Variants in RSRC1 observed in about 807,000 individuals in gnomAD.
RSRC1 encodes arginine and serine rich coiled-coil 1, also known as serine/Arginine-related protein 53.
RSRC1 carries 39 observed loss-of-function variants against 49.1 expected under a neutral mutation model. The ratio of observed to expected loss-of-function variants is 0.79; its 90% CI spans 0.61 to 1.04. RSRC1 has a LOEUF of 1.04. RSRC1 is among the 50% of genes least tolerant of loss of function. RSRC1 has a pLI of 0.00. For missense variants in RSRC1, 388 were observed against 402.4 expected (o/e 0.96, Z 0.31); for synonymous variants, 143 against 130.8 (o/e 1.09, Z -0.63).
chr3:158,469,068 A>G (rs1355673952), intron 7 of RSRC1, among the ~76,000 whole-genome samples: 1 of 152,104 alleles, frequency 6.6e-6, no homozygotes, highest in African/African-American at 2.4e-5. Context: ...ATATCACACA[A>G]AAAACTTTGA....
intron 4 of RSRC1, among the ~76,000 whole-genome samples, chr3:158,296,622 A>T (rs546647372): frequency 6.6e-6 from 1 of 152,264 alleles, no homozygotes; most frequent in Admixed American, 6.5e-5. Flanking sequence ...TTGTAATGAT[A>T]AAGTATAAAA....
chr3:158,119,703 G>T (rs996621558), intron 1 of RSRC1, among the ~76,000 whole-genome samples: 7 of 112,962 alleles, frequency 6.2e-5, no homozygotes, highest in Non-Finnish European at 9.4e-5. Context: ...TGTATAAATG[G>T]ATATGGACAC....
chr3:158,187,631 A>G (rs77188791), intron 3 of RSRC1, among the ~76,000 whole-genome samples: 3,680 of 152,122 alleles, frequency 0.024, 158 homozygotes, highest in African/African-American at 0.084. Flanking sequence ...TCTGGTAAGG[A>G]CAGTCGATCC....
Position 158,529,214 on chromosome 3 carries a change from G to GTGTGTGTATATATA in RSRC1, c.653-7877_653-7876insGTGTGTATATATAT, listed in dbSNP as rs374368016. 7.2e-4 allele frequency among the ~76,000 whole-genome samples: 103 copies of GTGTGTGTATATATA among 143,144 alleles called. 1 individual carries two copies. The highest frequency in any genetic ancestry group is 3.0e-3 in the East Asian group (15 of 4,934). The allele number at this position is 143,144 out of a possible 152,430, so 93.9% of individuals were successfully genotyped here. A position where few individuals can be genotyped will look rare whatever the true frequency, so the allele number is the denominator to read the frequency against. ...TTTATGTATATATGTATGTGTGTGTGTATATATATATATATATATATCCTA... is the reference window on the plus strand; with the variant it reads ...TTTATGTATATATGTATGTGTGTGTGTGTGTGTATATATATATATATATATATATATATATCCTA... On this transcript the variant is annotated intron_variant, in intron 7 of 9. Coordinates refer to ENST00000611884, the MANE Select transcript of RSRC1 (RefSeq NM_001271838.2).
intron 7 of RSRC1, among the ~76,000 whole-genome samples, chr3:158,482,729 A>G (rs1356365668): frequency 6.6e-6 from 1 of 152,064 alleles, no homozygotes; most frequent in African/African-American, 2.4e-5. Flanking sequence ...GGTAGGCCTT[A>G]GAAGTATAGT....
At chr3:158,270,381 G>C (rs1243516446) in intron 4 of RSRC1, among the ~76,000 whole-genome samples, 1 of 152,146 alleles carries the variant, frequency 6.6e-6, no homozygotes, top group African/African-American at 2.4e-5. Context: ...GGTGACTTTA[G>C]TGTCCTCACC....
chr3:158,316,211 A>G (rs1728433192), intron 5 of RSRC1, among the ~76,000 whole-genome samples: 1 of 152,076 alleles, frequency 6.6e-6, no homozygotes, highest in Non-Finnish European at 1.5e-5. Context: ...AAAGTATTTA[A>G]CAAACAATTC....
intron 6 of RSRC1, among the ~76,000 whole-genome samples, chr3:158,402,395 A>G (rs1733938168): frequency 2.0e-5 from 3 of 151,868 alleles, no homozygotes. Context: ...GAAGAGAGGA[A>G]GTATAGGCAC....
intron 6 of RSRC1, among the ~76,000 whole-genome samples, chr3:158,456,726 T>A (rs1292429418): frequency 6.6e-6 from 1 of 152,034 alleles, no homozygotes; most frequent in African/African-American, 2.4e-5. Context: ...GTAACAAAGG[T>A]ATAGCAATTC....
intron 3 of RSRC1, among the ~76,000 whole-genome samples, chr3:158,170,905 C>G (rs1039348675): frequency 2.0e-5 from 3 of 152,070 alleles, no homozygotes; most frequent in African/African-American, 7.2e-5. Flanking sequence ...CTGCTTTGCC[C>G]CAAGAACCAC....
intron 4 of RSRC1, among the ~76,000 whole-genome samples, chr3:158,236,895 G>A (rs760217087): frequency 2.0e-5 from 3 of 152,084 alleles, no homozygotes; most frequent in Non-Finnish European, 2.9e-5. Context: ...GTAAAGTTAC[G>A]GGGAGCTGCC....
chr3:158,394,943 C>T (rs1370062908), intron 6 of RSRC1, among the ~76,000 whole-genome samples: 1 of 152,088 alleles, frequency 6.6e-6, no homozygotes, highest in Non-Finnish European at 1.5e-5. Context: ...GACTATACTT[C>T]AGGGGCACAG....
At chr3:158,119,058 C>A (rs915064520) in intron 1 of RSRC1, among the ~76,000 whole-genome samples, 2 of 152,118 alleles carry the variant, frequency 1.3e-5, no homozygotes, top group African/African-American at 4.8e-5. Context: ...TTCTTTGATT[C>A]ATTTTTCTCC....
intron 4 of RSRC1, among the ~76,000 whole-genome samples, chr3:158,271,424 G>T (rs1725512140): frequency 6.6e-6 from 1 of 152,062 alleles, no homozygotes; most frequent in Non-Finnish European, 1.5e-5. Flanking sequence ...GGATTTGATG[G>T]ATACAGGCCT....
intron 6 of RSRC1, among the ~76,000 whole-genome samples, chr3:158,405,359 A>T (rs911691782): frequency 6.6e-6 from 1 of 152,082 alleles, no homozygotes; most frequent in Non-Finnish European, 1.5e-5. Flanking sequence ...CTCCCCCAAC[A>T]TTGGTGCCTG....
rs955437906 is a variant in RSRC1, at chr3:158,429,844, G to A, written c.584-31091G>A. ...GTAAAATAGTCAAATTCGTAGAATC[G>A]AGGAGTGAAATGGTGGTTACCGGGT... On this transcript the variant is annotated intron_variant, in intron 6 of 9. Coordinates refer to ENST00000611884, the MANE Select transcript of RSRC1 (RefSeq NM_001271838.2). Among the ~76,000 whole-genome samples, 3 of 151,512 alleles carry A rather than the reference G, an allele frequency of 2.0e-5. No homozygotes were observed. The South Asian group carries it at 6.2e-4, about 31-fold the overall frequency.
intron 3 of RSRC1, among the ~76,000 whole-genome samples, chr3:158,196,003 G>A (rs569840489): frequency 3.0e-4 from 45 of 152,010 alleles, no homozygotes; most frequent in Admixed American, 9.2e-4. Flanking sequence ...TTCCATATGA[G>A]CTTTAAAGTA....
intron 4 of RSRC1, among the ~76,000 whole-genome samples, chr3:158,246,979 A>G (rs1320066610): frequency 4.0e-5 from 6 of 151,410 alleles, no homozygotes; most frequent in African/African-American, 7.3e-5. Flanking sequence ...ATGTTTTCCA[A>G]CTTGTTCCAT....
intron 4 of RSRC1, among the ~76,000 whole-genome samples, chr3:158,224,141 T>C (rs1444946996): frequency 6.6e-6 from 1 of 151,818 alleles, no homozygotes; most frequent in Non-Finnish European, 1.5e-5. Context: ...TGAAGTAAGA[T>C]TTATACATAA....
Sources: gnomAD v4.1 joint callset for allele counts (sites outside exome capture counted in the v4.1 genomes callset) on GRCh38, gnomAD v4.1.1 for gene constraint, MANE v1.5 for transcripts, NCBI Gene and HGNC (gene_info 2026-07-23, HGNC 2026-07-21) for gene names.